The following ST6GALNAC3 variants were observed in gnomAD, a reference collection of about 807,000 sequenced individuals.
ST6GALNAC3 encodes the protein ST6 N-acetylgalactosaminide alpha-2,6-sialyltransferase 3.
A neutral mutation model predicts 32.7 loss-of-function variants in ST6GALNAC3; 25 were observed. The ratio of observed to expected loss-of-function variants is 0.76; its 90% CI spans 0.56 to 1.07. The LOEUF is 1.07. Among genes scored for constraint, ST6GALNAC3 ranks in the 50% least tolerant of loss-of-function variants. ST6GALNAC3 has a pLI of 0.00. For missense variants in ST6GALNAC3, 355 were observed against 382.4 expected (o/e 0.93, Z 0.60); for synonymous variants, 129 against 133.1 (o/e 0.97, Z 0.21).
At chr1:76,410,278 T>G (rs1193293993) in intron 2 of ST6GALNAC3, among the ~76,000 whole-genome samples, 1 of 152,130 alleles carries the variant, frequency 6.6e-6, no homozygotes, top group Non-Finnish European at 1.5e-5. Context: ...CTTTCCTGCC[T>G]CAGGGTATTT....
chr1:76,171,835 GA>G (rs1652529136), intron 1 of ST6GALNAC3, among the ~76,000 whole-genome samples: 1 of 140,504 alleles, frequency 7.1e-6, no homozygotes, highest in Non-Finnish European at 1.5e-5. Flanking sequence ...AAAAAAACAA[GA>G]AAAAAAACAC....
intron 1 of ST6GALNAC3, among the ~76,000 whole-genome samples, chr1:76,118,834 T>C (rs77639815): frequency 6.6e-6 from 1 of 152,184 alleles, no homozygotes; most frequent in Non-Finnish European, 1.5e-5. Context: ...GGCAATTTTT[T>C]CTTTTTGAGG....
intron 3 of ST6GALNAC3, among the ~76,000 whole-genome samples, chr1:76,571,032 T>G (rs1055040790): frequency 6.6e-6 from 1 of 152,098 alleles, no homozygotes. Context: ...AATTGCTCTT[T>G]GACTTATTTT....
chr1:76,239,492 T>A (rs1161660455), intron 1 of ST6GALNAC3, among the ~76,000 whole-genome samples: 1 of 151,956 alleles, frequency 6.6e-6, no homozygotes, highest in African/African-American at 2.4e-5. Context: ...TCAGGAAGAT[T>A]TTACTCATGG....
intron 1 of ST6GALNAC3, among the ~76,000 whole-genome samples, chr1:76,288,136 T>C (rs1256045358): frequency 6.6e-6 from 1 of 152,238 alleles, no homozygotes; most frequent in Non-Finnish European, 1.5e-5. Context: ...ATTGGCTACC[T>C]TTGGAGCCTG....
intron 2 of ST6GALNAC3, among the ~76,000 whole-genome samples, chr1:76,351,968 A>T (rs762581377): frequency 1.4e-3 from 211 of 152,264 alleles, no homozygotes; most frequent in Non-Finnish European, 2.3e-3. Flanking sequence ...TTGATATTAT[A>T]AATGTTTGTG....
At chr1:76,194,094 T>C (rs1424931087) in intron 1 of ST6GALNAC3, among the ~76,000 whole-genome samples, 1 of 152,198 alleles carries the variant, frequency 6.6e-6, no homozygotes, top group Non-Finnish European at 1.5e-5. Context: ...ATCTCTGTTA[T>C]ACAGATGAGA....
intron 1 of ST6GALNAC3, among the ~76,000 whole-genome samples, chr1:76,258,582 G>A (rs777545705): frequency 9.2e-5 from 14 of 152,166 alleles, no homozygotes; most frequent in African/African-American, 3.1e-4. Flanking sequence ...ATTCTAGAAT[G>A]TCAACTTTCA....
chr1:76,137,568 C>CT (rs1473285435), intron 1 of ST6GALNAC3, among the ~76,000 whole-genome samples: 1 of 152,176 alleles, frequency 6.6e-6, no homozygotes, highest in African/African-American at 2.4e-5. Context: ...TTCCTCCCAC[C>CT]TACCGTCATG....
intron 3 of ST6GALNAC3, among the ~76,000 whole-genome samples, chr1:76,432,721 T>C (rs1233666311): frequency 6.6e-6 from 1 of 151,994 alleles, no homozygotes; most frequent in East Asian, 1.9e-4. Flanking sequence ...CATCCCAGAG[T>C]GCTGGGATTA....
At chr1:76,245,005 A>G (rs1017253142) in intron 1 of ST6GALNAC3, among the ~76,000 whole-genome samples, 1 of 152,180 alleles carries the variant, frequency 6.6e-6, no homozygotes, top group South Asian at 2.1e-4. Context: ...TTCAGAAGCA[A>G]TGGTATCAGC....
intron 3 of ST6GALNAC3, among the ~76,000 whole-genome samples, chr1:76,579,247 G>A (rs76635163): frequency 4.0e-5 from 6 of 151,824 alleles, no homozygotes; most frequent in African/African-American, 7.3e-5. Flanking sequence ...TCTATGCATC[G>A]ATCACCAGCT....
chr1:76,313,515 T>G (rs963309259), intron 1 of ST6GALNAC3, among the ~76,000 whole-genome samples: 4 of 152,162 alleles, frequency 2.6e-5, no homozygotes, highest in African/African-American at 9.6e-5. Context: ...AATGTCTGAT[T>G]GGGGTTTTGC....
chr1:76,483,978 A>G (rs533760262), intron 3 of ST6GALNAC3, among the ~76,000 whole-genome samples: 7 of 133,864 alleles, frequency 5.2e-5, no homozygotes, highest in African/African-American at 2.1e-4. Context: ...TTAAATAGGG[A>G]ATCCTTTCCC....
At chr1:76,117,086 G>A (rs1415010273) in intron 1 of ST6GALNAC3, among the ~76,000 whole-genome samples, 13 of 152,004 alleles carry the variant, frequency 8.6e-5, no homozygotes, top group Non-Finnish European at 1.6e-4. Flanking sequence ...AAAGTTTTCT[G>A]TCCCCACTTT....
intron 1 of ST6GALNAC3, among the ~76,000 whole-genome samples, chr1:76,241,531 C>T (rs1656966751): frequency 6.6e-6 from 1 of 152,146 alleles, no homozygotes; most frequent in Admixed American, 6.5e-5. Context: ...ATGAGGGATT[C>T]TCCTCCATGA....
At chr1:76,095,843 C>T (rs927396198) in intron 1 of ST6GALNAC3, among the ~76,000 whole-genome samples, 1 of 152,194 alleles carries the variant, frequency 6.6e-6, no homozygotes. Flanking sequence ...CTTTTCTCCC[C>T]TCAGGGCTGA....
chr1:76,543,158 A>G (rs558826522), intron 3 of ST6GALNAC3, among the ~76,000 whole-genome samples: 1 of 152,382 alleles, frequency 6.6e-6, no homozygotes, highest in African/African-American at 2.4e-5. Context: ...TTTGACAAAG[A>G]TAACAAGCAA....
intron 1 of ST6GALNAC3, among the ~76,000 whole-genome samples, chr1:76,160,511 G>A (rs972693258): frequency 6.6e-6 from 1 of 152,174 alleles, no homozygotes; most frequent in East Asian, 1.9e-4. Context: ...TTCACAGAGT[G>A]AAGAAAGAGG....
Sources: gnomAD v4.1 joint callset for allele counts (sites outside exome capture counted in the v4.1 genomes callset) on GRCh38, gnomAD v4.1.1 for gene constraint, MANE v1.5 for transcripts, NCBI Gene and HGNC (gene_info 2026-07-23, HGNC 2026-07-21) for gene names.